The following RP1L1 variants were observed in gnomAD, a reference collection of about 807,000 sequenced individuals.
The protein encoded by RP1L1 is RP1 like 1.
Under a neutral mutation model 15.7 loss-of-function variants are expected in RP1L1, and 27 were observed. The ratio of observed to expected loss-of-function variants is 1.72; its 90% CI spans 1.27 to 2.38. The LOEUF is 2.38. Among genes scored for constraint, RP1L1 ranks in the 30% most tolerant of loss-of-function variants. The probability of loss-of-function intolerance (pLI) is 0.00; values close to 1 mark genes in which losing one functional copy is unlikely to be tolerated. For synonymous variants in RP1L1, 1,813 were observed against 1,276.7 expected, an observed-to-expected ratio of 1.42 and a Z score of -8.96; for missense variants, 4,798 against 3,075.9, an observed-to-expected ratio of 1.56 and a Z score of -13.24.
chr8:10,639,641 T>TGTAATCCCAGTCCCA (rs1160853810), intron 1 of RP1L1, among the ~76,000 whole-genome samples: 1 of 152,182 alleles, frequency 6.6e-6, no homozygotes, highest in Non-Finnish European at 1.5e-5. Context: ...CCCAGAGCAC[T>TGTAATCCCAGTCCCA]GGGATTACAA....
At position 10,612,164 on chromosome 8, in the gene RP1L1, G is replaced by A; in HGVS notation, c.1934C>T (p.Ala645Val). ...QQGQRRHRSRASAMSSPSSPG... is the reference protein window; with the variant it reads ...QQGQRRHRSRVSAMSSPSSPG... ...GCTGCTGGGTGAGGACATTGCACTG[G>A]CCCGGCTTCTGTGCCTTCTCTGCCC... The change falls in exon 4 of 4, where the codon GCC (alanine) becomes GTC (valine). Residue 645 changes from alanine to valine, a missense_variant. Ala to Val is a moderately conservative substitution (Grantham distance 64). Coordinates refer to ENST00000382483, the MANE Select transcript of RP1L1 (RefSeq NM_178857.6). 1.2e-6 allele frequency: 2 copies of A among 1,613,450 alleles called. No individual in the cohort carries two copies. Among genetic ancestry groups the A allele is most frequent in the Non-Finnish European group, 8.5e-7 (1 of 1,180,020 alleles).
intron 1 of RP1L1, among the ~76,000 whole-genome samples, chr8:10,650,481 C>CT (rs1459954387): frequency 6.6e-6 from 1 of 152,052 alleles, no homozygotes; most frequent in Non-Finnish European, 1.5e-5. Context: ...GGCTGGTACA[C>CT]TGGCCATCCT....
chr8:10,653,726 T>G (rs947452918), intron 1 of RP1L1, among the ~76,000 whole-genome samples: 9 of 152,188 alleles, frequency 5.9e-5, no homozygotes, highest in African/African-American at 2.2e-4. Context: ...CCCCTCCTGT[T>G]AGAAGAGAGC....
At chr8:10,652,778 A>G (rs915067954) in intron 1 of RP1L1, among the ~76,000 whole-genome samples, 3 of 151,886 alleles carry the variant, frequency 2.0e-5, no homozygotes, top group African/African-American at 7.3e-5. Flanking sequence ...CTGATTCCCT[A>G]TCTCCTCCCG....
At position 10,607,527 on chromosome 8, in the gene RP1L1, G is replaced by C. The variant is rs777338433; in HGVS notation, c.6571C>G (p.Pro2191Ala). Residue 2191 changes from proline (P) to alanine (A), a missense_variant, in exon 4 of 4, where the codon CCA (proline) becomes GCA (alanine). Transcript: ENST00000382483. ...EAPEAEGEAQPESEGIEAPEA... is the reference protein window; with the variant it reads ...EAPEAEGEAQAESEGIEAPEA... ...GGGGCCTCTATACCTTCTGACTCTGGCTGGGCCTCCCCTTCTGCCTCTGGG... is the reference window on the plus strand; with the variant it reads ...GGGGCCTCTATACCTTCTGACTCTGCCTGGGCCTCCCCTTCTGCCTCTGGG... The C allele has an allele frequency of 8.7e-6, 14 of 1,606,474 alleles. No homozygotes were observed. The South Asian group carries it at 1.3e-4, about 15-fold the overall frequency.
chr8:10,629,002 C>T (rs1049602307), intron 1 of RP1L1, among the ~76,000 whole-genome samples: 1 of 152,242 alleles, frequency 6.6e-6, no homozygotes, highest in African/African-American at 2.4e-5. Context: ...GGAAGTGGGT[C>T]TGGTGCACCT....
Position 10,623,191 on chromosome 8 carries a change from G to A in RP1L1, c.11C>T (p.Thr4Ile). The change falls in exon 2 of 4, where the codon ACC becomes ATC. Residue 4 changes from threonine (T) to isoleucine (I), a missense_variant. By Grantham distance (89) the Thr-to-Ile change is moderately conservative. Coordinates refer to ENST00000382483, the MANE Select transcript of RP1L1 (RefSeq NM_178857.6). ...GCTCGGGGCCTGGGCATTCCTGGGG[G>A]TGCTGTTCATGGTGTGGGGGCTCTG... MNS[T>I]PRNAQAPSHR... is the part of the protein sequence containing the mutation. The A allele has an allele frequency of 1.3e-6, 2 of 1,564,094 alleles. No individual in the cohort carries two copies. The highest frequency in any genetic ancestry group is 1.2e-5 in the South Asian group (1 of 81,978).
intron 1 of RP1L1, among the ~76,000 whole-genome samples, chr8:10,623,863 G>A (rs932317003): frequency 7.7e-5 from 11 of 143,266 alleles, no homozygotes; most frequent in East Asian, 4.3e-4. Flanking sequence ...AAATGACCAC[G>A]TATATCCCCA....
intron 1 of RP1L1, among the ~76,000 whole-genome samples, chr8:10,627,391 A>T (rs905146885): frequency 1.3e-4 from 20 of 152,186 alleles, no homozygotes; most frequent in Non-Finnish European, 2.8e-4. Flanking sequence ...TACAAAAGAC[A>T]AGTGCTGTAT....
intron 1 of RP1L1, among the ~76,000 whole-genome samples, chr8:10,638,025 G>C (rs1289248358): frequency 6.6e-6 from 1 of 152,214 alleles, no homozygotes; most frequent in African/African-American, 2.4e-5. Flanking sequence ...TGGCTTGCGA[G>C]ACCAGAGCAG....
At chr8:10,613,692 G>C (rs1302522125) in intron 3 of RP1L1, among the ~76,000 whole-genome samples, 1 of 151,938 alleles carries the variant, frequency 6.6e-6, no homozygotes, top group African/African-American at 2.4e-5. Flanking sequence ...TACTCGGAAG[G>C]CTGAGGCAGG....
chr8:10,645,920 C>T (rs978719464), intron 1 of RP1L1, among the ~76,000 whole-genome samples: 3 of 152,222 alleles, frequency 2.0e-5, no homozygotes, highest in African/African-American at 7.2e-5. Context: ...TCTCCTCTTC[C>T]CTCTTGTCTG....
chr8:10,612,223 A>G lies in RP1L1; in HGVS notation c.1875T>C (p.Ser625=). The change falls in exon 4 of 4, where the codon TCT becomes TCC. Residue 625 remains serine, a synonymous_variant. Transcript: ENST00000382483. The part of the protein sequence containing the change: ...LSCSWDSEGA[S]STPSTCTSSQ... ...ATGAAGTGCAGGTGGAAGGGGTGGA[A>G]GAGGCTCCTTCCGAGTCCCAGGAGC... 1 of 1,613,192 alleles carries G rather than the reference A, an allele frequency of 6.2e-7. No individual in the cohort carries two copies. The highest frequency in any genetic ancestry group is 8.5e-7 in the Non-Finnish European group (1 of 1,179,952).
chr8:10,639,230 C>T (rs1177673378), intron 1 of RP1L1, among the ~76,000 whole-genome samples: 1 of 152,016 alleles, frequency 6.6e-6, no homozygotes, highest in African/African-American at 2.4e-5. Flanking sequence ...CTCTTCAAAA[C>T]CCCGTCAACA....
intron 3 of RP1L1, among the ~76,000 whole-genome samples, chr8:10,616,079 G>T (rs1797959689): frequency 6.6e-6 from 1 of 151,554 alleles, no homozygotes; most frequent in African/African-American, 2.4e-5. Flanking sequence ...ATATTTTTTT[G>T]TATTTTTTTT....
At chr8:10,633,508 G>A (rs1216056357) in intron 1 of RP1L1, among the ~76,000 whole-genome samples, 1 of 152,176 alleles carries the variant, frequency 6.6e-6, no homozygotes, top group Non-Finnish European at 1.5e-5. Context: ...GTGCAACCTG[G>A]AGCATGCTTC....
At chr8:10,627,572 G>A (rs905879681) in intron 1 of RP1L1, among the ~76,000 whole-genome samples, 3 of 151,854 alleles carry the variant, frequency 2.0e-5, no homozygotes, top group East Asian at 1.9e-4. Context: ...GCACACCAAC[G>A]GCACAGGACT....
Position 10,606,915 on chromosome 8 carries a change from G to T in RP1L1, c.7183C>A (p.Gln2395Lys). ...CTTGTCTAGAAATCTAAGTCATCTT[G>T]GCCAAAGCCGTCTGCCCTGCCCACT... is the stretch of plus-strand genomic sequence containing the variant. The part of the protein sequence containing the change: ...EAVGRADGFG[Q>K]DDLDF The change falls in exon 4 of 4, where the codon CAA (glutamine) becomes AAA (lysine). Residue 2395 changes from glutamine to lysine, a missense_variant. Physicochemically the swap from Gln to Lys is moderately conservative, Grantham distance 53. Coordinates refer to ENST00000382483, the MANE Select transcript of RP1L1 (RefSeq NM_178857.6). 6.2e-7 allele frequency: 1 copy of T among 1,614,178 alleles called. No homozygotes were observed. Among genetic ancestry groups the T allele is most frequent in the Non-Finnish European group, 8.5e-7 (1 of 1,180,042 alleles).
chr8:10,622,590 T>C lies in RP1L1; in HGVS notation c.609+3A>G, dbSNP rs1354931552. 1 of 1,614,176 alleles carries C rather than the reference T, an allele frequency of 6.2e-7. No homozygotes were observed. On this transcript the variant is annotated splice_donor_region_variant and intron_variant, in intron 2 of 3. Transcript: ENST00000382483. ...AAGGAACCGTCAGACCCCAACAGCC[T>C]ACCTTTTTCCCGCTGGTCGTGTACA...
Sources: allele counts gnomAD v4.1 joint callset (sites outside exome capture counted in the v4.1 genomes callset), GRCh38; gene constraint gnomAD v4.1.1; transcripts MANE v1.5; gene names NCBI Gene and HGNC (gene_info 2026-07-23, HGNC 2026-07-21).